Variants in SIN3B observed in about 807,000 individuals in gnomAD.
SIN3B encodes the protein paired amphipathic helix protein Sin3b.
SIN3B carries 19 observed loss-of-function variants against 120.2 expected under a neutral mutation model. That is an observed-to-expected ratio of 0.16 (90% CI 0.11 to 0.23). The LOEUF is 0.23. Ranked by LOEUF, SIN3B falls within the 10% of genes least tolerant of loss-of-function variation. The probability of loss-of-function intolerance (pLI) is 1.00; values close to 1 mark genes in which losing one functional copy is unlikely to be tolerated. For missense variants in SIN3B, 1,073 were observed against 1,573.0 expected (o/e 0.68, Z 5.38); for synonymous variants, 654 against 653.2 (o/e 1.00, Z -0.02).
At chr19:16,829,674 T>C (rs1599583665) in intron 1 of SIN3B, 117 bp from the exon 2 acceptor site, 1 of 618,910 alleles carries the variant, frequency 1.6e-6, no homozygotes, top group Non-Finnish European at 2.0e-6. Context: ...CCCTCACCCC[T>C]CACCTCTCAC....
intron 3 of SIN3B, among the ~76,000 whole-genome samples, chr19:16,835,042 T>C (rs1455089898): frequency 1.3e-5 from 2 of 150,638 alleles, no homozygotes; most frequent in Non-Finnish European, 3.0e-5. Context: ...TTCTCCTCCC[T>C]CAGCCTCCTG....
At position 16,857,517 on chromosome 19, in the gene SIN3B, ATGTGTGTG is replaced by A. The variant is rs72233219; in HGVS notation, c.1058+3286_1058+3293del. Reference sequence around the variant, plus strand: ...CCTTTTGCATTAACTTAAAAAAAATATGTGTGTGTGTGTGTGTGTGTGTGTGTGTGTGT... The same window carrying A: ...CCTTTTGCATTAACTTAAAAAAAATATGTGTGTGTGTGTGTGTGTGTGTGT... On this transcript the variant is annotated intron_variant, in intron 8 of 18. Coordinates refer to ENST00000248054, the MANE Select transcript of SIN3B (RefSeq NM_001297595.2). 5.3e-4 allele frequency among the ~76,000 whole-genome samples: 50 copies of A among 93,474 alleles called. 1 individual carries two copies. Among genetic ancestry groups the A allele is most frequent in the South Asian group, 2.5e-3 (6 of 2,378 alleles). The allele number at this position is 93,474 out of a possible 152,430, so 61.3% of individuals were successfully genotyped here. A position where few individuals can be genotyped will look rare whatever the true frequency, so the allele number is the denominator to read the frequency against.
chr19:16,878,613 T>C lies in SIN3B; in HGVS notation c.3279T>C (p.Gly1093=). The C allele has an allele frequency of 6.2e-7, 1 of 1,611,354 alleles. No homozygotes were observed. Reference sequence around the variant, plus strand: ...GCCTGGTGCAGGACTGGCTGATGGGTGAGGAGGACGAGGACATGGTACCCT... The same window carrying C: ...GCCTGGTGCAGGACTGGCTGATGGGCGAGGAGGACGAGGACATGGTACCCT... ...AASLVQDWLM[G]EEDEDMVPCK... Residue 1093 remains glycine, a synonymous_variant, in exon 19 of 19, where the codon GGT becomes GGC. Transcript: ENST00000248054.
intron 12 of SIN3B, 37 bp downstream of exon 12, chr19:16,866,593 G>A: frequency 6.2e-7 from 1 of 1,603,092 alleles, no homozygotes; most frequent in Non-Finnish European, 8.5e-7. Context: ...CGGTGGGGGT[G>A]GGGTCCTGGC....
intron 13 of SIN3B, 75 bp downstream of exon 13, chr19:16,870,150 T>C: frequency 7.4e-7 from 1 of 1,344,196 alleles, no homozygotes; most frequent in South Asian, 1.5e-5. Context: ...ATCTGACATG[T>C]CCTGTTACTT....
At chr19:16,844,456 G>A (rs1307732056) in intron 4 of SIN3B, among the ~76,000 whole-genome samples, 1 of 152,212 alleles carries the variant, frequency 6.6e-6, no homozygotes, top group Non-Finnish European at 1.5e-5. Context: ...GGTTAACTGA[G>A]CAACCAGTTC....
intron 3 of SIN3B, among the ~76,000 whole-genome samples, chr19:16,832,289 C>A (rs1453545520): frequency 2.0e-5 from 3 of 151,038 alleles, no homozygotes; most frequent in African/African-American, 7.3e-5. Flanking sequence ...CCTCCGCCTC[C>A]CAGGTTCAAG....
intron 8 of SIN3B, among the ~76,000 whole-genome samples, chr19:16,860,408 T>C (rs34788440): frequency 0.049 from 7,423 of 152,200 alleles, 216 homozygotes; most frequent in Middle Eastern, 0.078. Flanking sequence ...GCAGCTTTTT[T>C]GTTGGTCTCT....
At chr19:16,853,786 G>A (rs1971576331) in intron 7 of SIN3B, among the ~76,000 whole-genome samples, 3 of 147,174 alleles carry the variant, frequency 2.0e-5, no homozygotes, top group Non-Finnish European at 4.5e-5. Context: ...TGAATTGCAC[G>A]GATCGCATGC....
At position 16,851,442 on chromosome 19, in the gene SIN3B, A is replaced by G. The variant is rs1471777740; in HGVS notation, c.757A>G (p.Ser253Gly). Residue 253 changes from serine (S) to glycine (G), a missense_variant, in exon 6 of 19, where the codon AGC (serine) becomes GGC (glycine). Physicochemically the swap from Ser to Gly is moderately conservative, Grantham distance 56. Around this residue, in one of 7 missense-constraint regions of SIN3B, gnomAD observed 395 missense variants for 528.0 expected, o/e 0.75. Coordinates refer to ENST00000248054, the MANE Select transcript of SIN3B (RefSeq NM_001297595.2). Reference protein sequence around the residue: ...FTGNGPCEMHSVQKNEHDKTP... With the variant: ...FTGNGPCEMHGVQKNEHDKTP... ...AGGAAACGGGCCGTGCGAGATGCACAGCGTGCAGAAGAACGAGCACGACAA... is the reference window on the plus strand; with the variant it reads ...AGGAAACGGGCCGTGCGAGATGCACGGCGTGCAGAAGAACGAGCACGACAA... 9 of 1,607,968 alleles carry G rather than the reference A, an allele frequency of 5.6e-6. No homozygotes were observed. Among genetic ancestry groups the G allele is most frequent in the Non-Finnish European group, 7.6e-6 (9 of 1,177,378 alleles).
At chr19:16,830,316 C>T (rs1188506632) in intron 2 of SIN3B, among the ~76,000 whole-genome samples, 1 of 152,074 alleles carries the variant, frequency 6.6e-6, no homozygotes, top group Non-Finnish European at 1.5e-5. Flanking sequence ...TAATCTTGTC[C>T]TCAAGATGCT....
chr19:16,836,153 G>A (rs148566301), intron 3 of SIN3B, among the ~76,000 whole-genome samples: 180 of 152,234 alleles, frequency 1.2e-3, no homozygotes, highest in South Asian at 6.2e-3. Flanking sequence ...GCGAGGTGCC[G>A]TCCTGCACAC....
chr19:16,876,287 G>A lies in SIN3B; in HGVS notation c.2766+59G>A, dbSNP rs1599618913. ...GAGGCCCGGCCGCTCACTCCGCTCT[G>A]GACTCAGTCCTGGGTGGACCCTGGT... On this transcript the variant is annotated intron_variant, in intron 15 of 18. Coordinates refer to ENST00000248054, the MANE Select transcript of SIN3B (RefSeq NM_001297595.2). This position sits in a 1 kb window ranked among gnomAD's most constrained non-coding sequence, Gnocchi z 7.1. 4.5e-6 allele frequency: 7 copies of A among 1,560,282 alleles called. No homozygotes were observed. The highest frequency in any genetic ancestry group is 5.2e-6 in the Non-Finnish European group (6 of 1,148,796).
chr19:16,849,297 C>A (rs577539422), intron 5 of SIN3B, among the ~76,000 whole-genome samples: 1 of 152,170 alleles, frequency 6.6e-6, no homozygotes, highest in African/African-American at 2.4e-5. Flanking sequence ...CTTTGCAGGC[C>A]AGTTGATCTT....
chr19:16,840,780 C>T (rs1971407417), intron 3 of SIN3B, among the ~76,000 whole-genome samples: 1 of 152,222 alleles, frequency 6.6e-6, no homozygotes, highest in Non-Finnish European at 1.5e-5. Context: ...ACTGGGGATA[C>T]AGCCCTGATC....
intron 8 of SIN3B, among the ~76,000 whole-genome samples, chr19:16,860,167 G>A (rs376042574): frequency 2.6e-5 from 4 of 152,168 alleles, no homozygotes; most frequent in Non-Finnish European, 4.4e-5. Context: ...GGGCCTCTGC[G>A]TGTGCTTGAC....
intron 4 of SIN3B, chr19:16,846,305 G>C (rs1971477903): frequency 6.6e-6 from 1 of 152,238 alleles, no homozygotes; most frequent in African/African-American, 2.4e-5. Context: ...AGCGGGTGCA[G>C]AGGGGCAGGA....
intron 14 of SIN3B, 98 bp from the exon 15 acceptor site, chr19:16,875,957 C>T: frequency 7.2e-7 from 1 of 1,381,248 alleles, no homozygotes; most frequent in Non-Finnish European, 9.7e-7. Flanking sequence ...CACTCTCCAT[C>T]CTGATGTGTT....
intron 14 of SIN3B, among the ~76,000 whole-genome samples, chr19:16,874,451 T>C (rs2051555844): frequency 6.6e-6 from 1 of 151,892 alleles, no homozygotes; most frequent in South Asian, 2.1e-4. Flanking sequence ...TGATTTGGTC[T>C]GGTCTGGTTT....
Sources: gnomAD v4.1 joint callset for allele counts (sites outside exome capture counted in the v4.1 genomes callset) on GRCh38, gnomAD v4.1.1 for gene constraint, gnomAD v4.1.1 regional missense constraint, Gnocchi (gnomAD v3.1) non-coding constraint, MANE v1.5 for transcripts, NCBI Gene and HGNC (gene_info 2026-07-23, HGNC 2026-07-21) for gene names.